The following SLC16A7 variants were observed in gnomAD, a reference collection of about 807,000 sequenced individuals.
The protein encoded by SLC16A7 is solute carrier family 16 member 7.
Under a neutral mutation model 34.9 loss-of-function variants are expected in SLC16A7, and 33 were observed. That is an observed-to-expected ratio of 0.94 (90% CI 0.72 to 1.26). The LOEUF is 1.26. Ranked by LOEUF, SLC16A7 falls within the 50% of genes most tolerant of loss-of-function variation. SLC16A7 has a pLI of 0.00. For missense variants in SLC16A7, 573 were observed against 578.1 expected, an observed-to-expected ratio of 0.99 and a Z score of 0.09; for synonymous variants, 201 against 206.6, an observed-to-expected ratio of 0.97 and a Z score of 0.23.
intron 1 of SLC16A7, among the ~76,000 whole-genome samples, 184 bp from the exon 2 acceptor site, chr12:59,654,968 T>TTA (rs747868744): frequency 2.0e-5 from 3 of 151,964 alleles, no homozygotes; most frequent in Non-Finnish European, 2.9e-5. Flanking sequence ...AATAATCTGT[T>TTA]TATATCTAAA....
intron 2 of SLC16A7, among the ~76,000 whole-genome samples, chr12:59,701,908 T>A (rs569174828): frequency 6.6e-6 from 1 of 151,940 alleles, no homozygotes; most frequent in East Asian, 1.9e-4. Flanking sequence ...ACTACAATAG[T>A]TTAAACTCAA....
intron 3 of SLC16A7, among the ~76,000 whole-genome samples, chr12:59,735,196 C>G (rs1877452446): frequency 6.6e-6 from 1 of 152,172 alleles, no homozygotes; most frequent in African/African-American, 2.4e-5. Flanking sequence ...ACCTCGAAGA[C>G]ATAGTTTTTA....
intron 3 of SLC16A7, among the ~76,000 whole-genome samples, chr12:59,720,998 C>T (rs541511686): frequency 6.6e-6 from 1 of 152,154 alleles, no homozygotes; most frequent in Non-Finnish European, 1.5e-5. Context: ...AAGCCATCAG[C>T]TTAGTTCCTT....
chr12:59,771,288 G>T lies in SLC16A7; in HGVS notation c.287G>T (p.Cys96Phe). Residue 96 changes from cysteine to phenylalanine, a missense_variant, in exon 4 of 6, where the codon TGC becomes TTC. Physicochemically the swap from Cys to Phe is radical, Grantham distance 205. Coordinates refer to ENST00000547379, the MANE Select transcript of SLC16A7 (RefSeq NM_001270623.2). ...GTGGTGATAGCAGGAGGCTTATTAT[G>T]CTGTCTTGGAATGGTGTTGGCCTCC... The part of the protein sequence containing the change: ...RPVVIAGGLL[C>F]CLGMVLASFS... The T allele has an allele frequency of 6.2e-7, 1 of 1,613,452 alleles. No homozygotes were observed. Among genetic ancestry groups the T allele is most frequent in the Non-Finnish European group, 8.5e-7 (1 of 1,179,604 alleles).
chr12:59,693,525 T>C (rs1871917624), intron 2 of SLC16A7, among the ~76,000 whole-genome samples: 1 of 151,870 alleles, frequency 6.6e-6, no homozygotes, highest in Non-Finnish European at 1.5e-5. Context: ...TGGGCTTCAG[T>C]CCATCCCACC....
intron 3 of SLC16A7, among the ~76,000 whole-genome samples, chr12:59,745,425 T>G (rs1186577148): frequency 2.0e-5 from 3 of 152,174 alleles, no homozygotes; most frequent in Non-Finnish European, 4.4e-5. Context: ...ATGGGGATGA[T>G]GGATAATTGC....
intron 3 of SLC16A7, among the ~76,000 whole-genome samples, chr12:59,728,068 G>C (rs1876498100): frequency 6.6e-6 from 1 of 152,140 alleles, no homozygotes; most frequent in African/African-American, 2.4e-5. Flanking sequence ...CAACAAGGAG[G>C]TTGGAGAGGG....
At chr12:59,733,806 A>G in intron 3 of SLC16A7, 1 of 456,046 alleles carries the variant, frequency 2.2e-6, no homozygotes. Flanking sequence ...TCACTGAGCA[A>G]CAAAACAACT....
intron 1 of SLC16A7, among the ~76,000 whole-genome samples, chr12:59,640,132 A>C (rs957754608): frequency 2.0e-5 from 3 of 152,152 alleles, no homozygotes; most frequent in African/African-American, 7.2e-5. Flanking sequence ...CCCTCTAGGC[A>C]TGCCACCTTC....
Position 59,775,219 on chromosome 12 carries a change from T to C in SLC16A7, c.924T>C (p.Tyr308=), listed in dbSNP as rs1366233834. The change falls in exon 5 of 6, where the codon TAT becomes TAC. Residue 308 remains tyrosine, a synonymous_variant. Transcript: ENST00000547379. ...PSVGLIANSK[Y]IRPRIQYFFS... Reference sequence around the variant, plus strand: ...TAGGATTAATTGCAAACTCCAAATATATTCGACCTCGAATTCAGTACTTCT... The same window carrying C: ...TAGGATTAATTGCAAACTCCAAATACATTCGACCTCGAATTCAGTACTTCT... The C allele has an allele frequency of 1.9e-6, 3 of 1,614,154 alleles. No individual in the cohort carries two copies. The highest frequency in any genetic ancestry group is 2.5e-6 in the Non-Finnish European group (3 of 1,180,006).
chr12:59,711,105 G>C, intron 3 of SLC16A7, among the ~76,000 whole-genome samples: 1 of 152,146 alleles, frequency 6.6e-6, no homozygotes, highest in East Asian at 1.9e-4. Flanking sequence ...AGATTGCTAG[G>C]ACATGGCCTA....
intron 1 of SLC16A7, among the ~76,000 whole-genome samples, chr12:59,652,527 TA>T (rs1484009529): frequency 6.6e-6 from 1 of 151,884 alleles, no homozygotes; most frequent in Non-Finnish European, 1.5e-5. Flanking sequence ...TGGCCCTTTC[TA>T]AAAAGTATGA....
At chr12:59,697,725 A>G (rs1872475224) in intron 2 of SLC16A7, among the ~76,000 whole-genome samples, 1 of 151,776 alleles carries the variant, frequency 6.6e-6, no homozygotes, top group Non-Finnish European at 1.5e-5. Flanking sequence ...AAAAAAAAAA[A>G]AAGTCTGCCT....
At chr12:59,624,737 G>GTT (rs1879846887) in intron 1 of SLC16A7, among the ~76,000 whole-genome samples, 1 of 138,436 alleles carries the variant, frequency 7.2e-6, no homozygotes. Flanking sequence ...TGCATTGTTA[G>GTT]TTGTGTGTGT....
At chr12:59,673,442 C>A (rs140470944) in intron 2 of SLC16A7, among the ~76,000 whole-genome samples, 1 of 151,456 alleles carries the variant, frequency 6.6e-6, no homozygotes, top group Non-Finnish European at 1.5e-5. Context: ...TAGGTAGGAC[C>A]CTGTGTTACT....
chr12:59,618,827 C>T (rs890315840), intron 1 of SLC16A7, among the ~76,000 whole-genome samples: 24 of 151,934 alleles, frequency 1.6e-4, no homozygotes, highest in African/African-American at 5.8e-4. Flanking sequence ...TTGTGGAAAT[C>T]ACCTATTTTC....
rs1883553681 is a variant in SLC16A7 at position 59,785,524 on chromosome 12, A to G, written c.*5845A>G. The stretch of plus-strand genomic sequence containing the variant: ...TCTCCTGCTTCTTCATCATCTCCTA[A>G]ATGTTTTCCTTTCTATGTTTTTATA... On this transcript the variant is annotated 3_prime_UTR_variant, in exon 6 of 6. Coordinates refer to ENST00000547379, the MANE Select transcript of SLC16A7 (RefSeq NM_001270623.2). 6.6e-6 allele frequency: 1 copy of G among 152,074 alleles called. No individual in the cohort carries two copies. Among genetic ancestry groups the G allele is most frequent in the Non-Finnish European group, 1.5e-5 (1 of 67,996 alleles). The allele number at this position is 152,074 out of a possible 1,614,324, so 9.4% of individuals were successfully genotyped here.
Position 59,781,396 on chromosome 12 carries a change from G to A in SLC16A7, c.*1717G>A, listed in dbSNP as rs1883236681. ...ATAAAGGCAGGTGCTATTTTTTTCTGGTGAGATTGCACCTGGATACCAGGC... is the reference window on the plus strand; with the variant it reads ...ATAAAGGCAGGTGCTATTTTTTTCTAGTGAGATTGCACCTGGATACCAGGC... On this transcript the variant is annotated 3_prime_UTR_variant, in exon 6 of 6. Coordinates refer to ENST00000547379, the MANE Select transcript of SLC16A7 (RefSeq NM_001270623.2). 1 of 152,332 alleles carries A rather than the reference G, an allele frequency of 6.6e-6. No individual in the cohort carries two copies. The highest frequency in any genetic ancestry group is 1.5e-5 in the Non-Finnish European group (1 of 67,960). 9.4% of individuals were successfully genotyped at this position (152,332 alleles called of 1,614,324 possible). A position where few individuals can be genotyped will look rare whatever the true frequency, so the allele number is the denominator to read the frequency against.
At chr12:59,778,511 C>A (rs886761033) in intron 5 of SLC16A7, among the ~76,000 whole-genome samples, 2 of 152,078 alleles carry the variant, frequency 1.3e-5, no homozygotes, top group Non-Finnish European at 2.9e-5. Context: ...TTTGTATACA[C>A]TAAATTTTGC....
Sources: allele counts gnomAD v4.1 joint callset (sites outside exome capture counted in the v4.1 genomes callset), GRCh38; gene constraint gnomAD v4.1.1; transcripts MANE v1.5; gene names NCBI Gene and HGNC (gene_info 2026-07-23, HGNC 2026-07-21).